FRRS1: variants seen among roughly 807,000 people sequenced by gnomAD.
The protein encoded by FRRS1 is ferric chelate reductase 1.
In FRRS1, 51 loss-of-function variants were observed where a neutral mutation model predicts 70.7. The observed-to-expected ratio is 0.72, with a 90% CI of 0.58 to 0.91. The LOEUF (loss-of-function observed/expected upper bound fraction) is 0.91, where lower values mean the gene tolerates loss of function less well. FRRS1 is among the 40% of genes least tolerant of loss of function. FRRS1 has a pLI of 0.00. For synonymous variants in FRRS1, 225 were observed against 238.7 expected (o/e 0.94, Z 0.53); for missense variants, 672 against 726.0 (o/e 0.93, Z 0.86).
chr1:99,748,736 G>A lies in FRRS1; in HGVS notation c.33C>T (p.Cys11=). ...CATAACTAATGTGCAACAGAAGTAT[G>A]CAGGTACCAAGAGTAAATCCAGAAA... is the stretch of plus-strand genomic sequence containing the variant. The part of the protein sequence containing the change: MAVSGFTLGT[C]ILLLHISYVA... Residue 11 remains cysteine, a synonymous_variant, in exon 3 of 17, where the codon TGC becomes TGT. Coordinates refer to ENST00000646001, the MANE Select transcript of FRRS1 (RefSeq NM_001361041.2). The A allele has an allele frequency of 1.2e-6, 2 of 1,614,022 alleles. No homozygotes were observed. The highest frequency in any genetic ancestry group is 1.7e-6 in the Non-Finnish European group (2 of 1,179,920).
chr1:99,740,596 T>G (rs137929930), intron 6 of FRRS1, among the ~76,000 whole-genome samples, 197 bp downstream of exon 6: 2 of 152,344 alleles, frequency 1.3e-5, no homozygotes, highest in East Asian at 3.9e-4. Context: ...GACATTATAT[T>G]TGGCCACATA....
intron 4 of FRRS1, among the ~76,000 whole-genome samples, chr1:99,745,482 G>C (rs11166323): frequency 0.19 from 29,602 of 151,912 alleles, 3,066 homozygotes; most frequent in East Asian, 0.27. Flanking sequence ...TCAGGAGTTC[G>C]AGACCAGCCT....
chr1:99,742,362 T>C, intron 4 of FRRS1, 89 bp from the exon 5 acceptor site: 2 of 770,466 alleles, frequency 2.6e-6, no homozygotes, highest in Non-Finnish European at 4.6e-6. Context: ...TAATTTATCA[T>C]TGCATGACAT....
At chr1:99,744,424 T>C (rs7553736) in intron 4 of FRRS1, among the ~76,000 whole-genome samples, 75,174 of 152,026 alleles carry the variant, frequency 0.49, 22,594 homozygotes, top group African/African-American at 0.85. Flanking sequence ...ACAGGCAAGT[T>C]CCCAGGCGTC....
In FRRS1 at chr1:99,705,359, AG is replaced by A. The variant is rs1654008615; in HGVS notation, c.*3668del. Among the ~76,000 whole-genome samples the A allele has an allele frequency of 6.6e-6, 1 of 152,252 alleles. No individual in the cohort carries two copies. Among genetic ancestry groups the A allele is most frequent in the Non-Finnish European group, 1.5e-5 (1 of 68,038 alleles). ...GGGGCTGCACAAGGAAGAAAGAAGC[AG>A]GATGTGGATAGGAACTGTGAATATC... On this transcript the variant is annotated 3_prime_UTR_variant, in exon 17 of 17. Transcript: ENST00000646001.
At chr1:99,709,360 G>T in intron 15 of FRRS1, 101 bp from the exon 16 acceptor site, 1 of 770,108 alleles carries the variant, frequency 1.3e-6, no homozygotes, top group Non-Finnish European at 2.2e-6. Flanking sequence ...AATTTCCAGG[G>T]TAGAAATTCT....
At chr1:99,759,732 C>T (rs973062313) in intron 1 of FRRS1, among the ~76,000 whole-genome samples, 4 of 152,072 alleles carry the variant, frequency 2.6e-5, no homozygotes, top group African/African-American at 7.2e-5. Context: ...TAGAGAAAGA[C>T]GAAAAGAAAT....
chr1:99,734,781 CA>C (rs1655565915), intron 7 of FRRS1, among the ~76,000 whole-genome samples: 2 of 152,066 alleles, frequency 1.3e-5, no homozygotes, highest in African/African-American at 2.4e-5. Context: ...AAGGAGACAT[CA>C]GGGGGCATAA....
chr1:99,742,243 T>C lies in FRRS1; in HGVS notation c.364A>G (p.Lys122Glu). Reference protein sequence around the residue: ...GSAVSHRSASKKTEIKVYWNA... With the variant: ...GSAVSHRSASEKTEIKVYWNA... ...CAGTAGACTTTAATTTCTGTTTTTT[T>C]AGATGCACTTCTGTGACTCACTGCT... The change falls in exon 5 of 17, where the codon AAA (lysine) becomes GAA (glutamate). Residue 122 changes from lysine (K) to glutamate (E), a missense_variant. Transcript: ENST00000646001. 6.2e-7 allele frequency: 1 copy of C among 1,611,174 alleles called. No homozygotes were observed. The highest frequency in any genetic ancestry group is 8.5e-7 in the Non-Finnish European group (1 of 1,177,288).
At chr1:99,742,804 G>C (rs1231833610) in intron 4 of FRRS1, among the ~76,000 whole-genome samples, 1 of 152,090 alleles carries the variant, frequency 6.6e-6, no homozygotes, top group Non-Finnish European at 1.5e-5. Flanking sequence ...GCTGTGTGTG[G>C]CTCTCTCTGC....
chr1:99,739,987 A>G (rs375646695), intron 6 of FRRS1, among the ~76,000 whole-genome samples: 8 of 152,314 alleles, frequency 5.3e-5, no homozygotes, highest in South Asian at 2.1e-4. Flanking sequence ...ACACTTTCCA[A>G]GATACGTCTT....
chr1:99,728,019 C>A (rs1051425879), intron 9 of FRRS1, among the ~76,000 whole-genome samples: 4 of 152,212 alleles, frequency 2.6e-5, no homozygotes, highest in Admixed American at 2.6e-4. Flanking sequence ...ACTCAGCTGT[C>A]CAGGACCTAT....
At chr1:99,750,183 G>C (rs1656503440) in intron 1 of FRRS1, among the ~76,000 whole-genome samples, 2 of 152,116 alleles carry the variant, frequency 1.3e-5, no homozygotes, top group African/African-American at 2.4e-5. Flanking sequence ...CCTTGAAGCG[G>C]TTGTGAAGTT....
intron 12 of FRRS1, among the ~76,000 whole-genome samples, chr1:99,712,811 G>A (rs889889116): frequency 6.6e-6 from 1 of 152,200 alleles, no homozygotes; most frequent in Admixed American, 6.5e-5. Flanking sequence ...CAAGGTCACA[G>A]AGTATGTACA....
At chr1:99,762,704 T>C (rs913404811) in intron 1 of FRRS1, among the ~76,000 whole-genome samples, 8 of 152,182 alleles carry the variant, frequency 5.3e-5, no homozygotes, top group African/African-American at 1.9e-4. Flanking sequence ...TGAACCTCAC[T>C]TTCCTAATCT....
At chr1:99,764,246 A>G (rs1657250568) in intron 1 of FRRS1, among the ~76,000 whole-genome samples, 1 of 152,228 alleles carries the variant, frequency 6.6e-6, no homozygotes, top group African/African-American at 2.4e-5. Context: ...GTACCAAAAT[A>G]TACATAACTT....
intron 4 of FRRS1, among the ~76,000 whole-genome samples, chr1:99,744,390 G>C (rs993303992): frequency 6.6e-6 from 1 of 152,172 alleles, no homozygotes; most frequent in Non-Finnish European, 1.5e-5. Flanking sequence ...AACAAGAGAA[G>C]CAGCTTCTAT....
intron 1 of FRRS1, among the ~76,000 whole-genome samples, chr1:99,759,724 G>A (rs535803732): frequency 2.0e-5 from 3 of 152,308 alleles, no homozygotes; most frequent in East Asian, 3.9e-4. Context: ...AGGAGACATA[G>A]AGAAAGACGA....
intron 10 of FRRS1, 35 bp downstream of exon 10, chr1:99,719,499 G>T: frequency 9.1e-7 from 1 of 1,102,128 alleles, no homozygotes; most frequent in African/African-American, 1.5e-5. Context: ...CAGCAGGTAA[G>T]TTGATTCCAC....
Sources: allele counts gnomAD v4.1 joint callset (sites outside exome capture counted in the v4.1 genomes callset), GRCh38; gene constraint gnomAD v4.1.1; transcripts MANE v1.5; gene names NCBI Gene and HGNC (gene_info 2026-07-23, HGNC 2026-07-21).